KCNH3: variants seen among roughly 807,000 people sequenced by gnomAD.
KCNH3 encodes the protein potassium voltage-gated channel subfamily H member 3.
KCNH3 carries 36 observed loss-of-function variants against 95.6 expected under a neutral mutation model. The ratio of observed to expected loss-of-function variants is 0.38; its 90% CI spans 0.29 to 0.50. The LOEUF is 0.50. KCNH3 is among the 20% of genes least tolerant of loss of function. KCNH3 has a pLI of 0.95. For missense variants in KCNH3, 1,030 were observed against 1,484.1 expected (o/e 0.69, Z 5.03); for synonymous variants, 620 against 646.3 (o/e 0.96, Z 0.62).
chr12:49,544,128 C>G (rs540446701), intron 6 of KCNH3, 47 bp from the exon 7 acceptor site: 1 of 1,603,956 alleles, frequency 6.2e-7, no homozygotes, highest in African/African-American at 1.3e-5. Context: ...CAGGCAGGGC[C>G]GGCCCGCTGA....
Position 49,549,424 on chromosome 12 carries a change from T to C in KCNH3, c.1469-17T>C. 6.2e-7 allele frequency: 1 copy of C among 1,612,140 alleles called. No individual in the cohort carries two copies. Reference sequence around the variant, plus strand: ...GCCAGGTCCCCTAGGTGACCCCCTCTCGTCACCCTCCCCCAGCCCTGATGC... The same window carrying C: ...GCCAGGTCCCCTAGGTGACCCCCTCCCGTCACCCTCCCCCAGCCCTGATGC... On this transcript the variant is annotated splice_polypyrimidine_tract_variant and intron_variant, in intron 8 of 14. Coordinates refer to ENST00000257981, the MANE Select transcript of KCNH3 (RefSeq NM_012284.3).
In KCNH3 at chr12:49,554,472, A is replaced by G; in HGVS notation, c.2054A>G (p.Tyr685Cys). Residue 685 changes from tyrosine to cysteine, a missense_variant, in exon 11 of 15, where the codon TAC becomes TGC. Tyr to Cys is a radical substitution (Grantham distance 194). Around this residue, in one of 9 missense-constraint regions of KCNH3, gnomAD observed 160 missense variants for 316.2 expected, o/e 0.51. Coordinates refer to ENST00000257981, the MANE Select transcript of KCNH3 (RefSeq NM_012284.3). ...LAGLHDSLAL[Y>C]PEFAPRFSRG... ...GGCCTGCACGACAGCCTTGCGCTGT[A>G]CCCCGAGTTTGCCCCGCGCTTCAGT... 2 of 1,613,622 alleles carry G rather than the reference A, an allele frequency of 1.2e-6. No homozygotes were observed. The highest frequency in any genetic ancestry group is 1.7e-6 in the Non-Finnish European group (2 of 1,180,024).
At position 49,558,290 on chromosome 12, in the gene KCNH3, A is replaced by AAAAT; in HGVS notation, c.*341_*344dup. ...AATTTTTATATTAAAAAAAAAAAATAAAATAAACTACTTTGGAACCTGGTG... is the reference window on the plus strand; with the variant it reads ...AATTTTTATATTAAAAAAAAAAAATAAAATAAATAAACTACTTTGGAACCTGGTG... On this transcript the variant is annotated 3_prime_UTR_variant, in exon 15 of 15. Transcript: ENST00000257981. 2.5e-6 allele frequency: 1 copy of AAAAT among 395,230 alleles called. No homozygotes were observed. Among genetic ancestry groups the AAAAT allele is most frequent in the Non-Finnish European group, 4.4e-6 (1 of 225,022 alleles). The allele number at this position is 395,230 out of a possible 1,614,324, so 24.5% of individuals were successfully genotyped here.
At chr12:49,542,019 A>G (rs569390763) in intron 3 of KCNH3, among the ~76,000 whole-genome samples, 3 of 152,226 alleles carry the variant, frequency 2.0e-5, no homozygotes, top group Non-Finnish European at 4.4e-5. Context: ...AACAAACCCA[A>G]TTGTACCTGT....
At position 49,544,057 on chromosome 12, in the gene KCNH3, C is replaced by T; in HGVS notation, c.966C>T (p.Ala322=). The T allele has an allele frequency of 6.2e-7, 1 of 1,611,342 alleles. No individual in the cohort carries two copies. The highest frequency in any genetic ancestry group is 8.5e-7 in the Non-Finnish European group (1 of 1,177,642). The part of the protein sequence containing the change: ...IAALPFDLLH[A]FKVNVYFGAH... ...CGCTGCCCTTTGACCTGCTACATGC[C>T]TTCAAGGTCAACGTGGTCAGTGTGG... is the stretch of plus-strand genomic sequence containing the variant. Residue 322 remains alanine, a synonymous_variant, in exon 6 of 15, where the codon GCC becomes GCT. Transcript: ENST00000257981.
At chr12:49,550,367 T>C (rs779141318) in intron 10 of KCNH3, 38 bp downstream of exon 10, 1 of 1,568,796 alleles carries the variant, frequency 6.4e-7, no homozygotes, top group Non-Finnish European at 8.6e-7. Flanking sequence ...GGGGCACGTG[T>C]GTGTGAGACC....
chr12:49,544,815 C>A (rs1344570534), intron 7 of KCNH3, among the ~76,000 whole-genome samples: 10 of 151,754 alleles, frequency 6.6e-5, no homozygotes, highest in Non-Finnish European at 1.3e-4. Flanking sequence ...CACATTTCTT[C>A]TGTCATCTCT....
chr12:49,552,463 C>G (rs982677151), intron 10 of KCNH3, among the ~76,000 whole-genome samples: 2 of 152,214 alleles, frequency 1.3e-5, no homozygotes, highest in Admixed American at 1.3e-4. Flanking sequence ...CTTGGAGGCT[C>G]TAGATGCCCT....
intron 10 of KCNH3, among the ~76,000 whole-genome samples, chr12:49,551,462 G>A (rs1376079261): frequency 6.6e-6 from 1 of 151,464 alleles, no homozygotes. Context: ...TGTAATCCAG[G>A]CTACTTGGGA....
chr12:49,556,618 G>A, intron 13 of KCNH3, 142 bp downstream of exon 13: 1 of 725,708 alleles, frequency 1.4e-6, no homozygotes, highest in Non-Finnish European at 2.5e-6. Context: ...ACCCCTTGGT[G>A]TCGTGCGGGC....
chr12:49,554,612 T>C, intron 11 of KCNH3, 58 bp downstream of exon 11: 1 of 1,461,478 alleles, frequency 6.8e-7, no homozygotes, highest in Admixed American at 1.7e-5. Flanking sequence ...CCTGGTGAAG[T>C]GGGCAGAGGC....
In KCNH3 at chr12:49,556,302, C is replaced by T; in HGVS notation, c.2469-68C>T. On this transcript the variant is annotated intron_variant, in intron 12 of 14. Coordinates refer to ENST00000257981, the MANE Select transcript of KCNH3 (RefSeq NM_012284.3). ...CCTGTGTGTGTGGACGCTGGGGCAT[C>T]CCGTCCCGTATGACCCCACAGTGGC... The T allele has an allele frequency of 2.6e-6, 3 of 1,169,726 alleles. No homozygotes were observed. In the Admixed American group the frequency reaches 5.1e-5, roughly 20 times the overall value. The allele number at this position is 1,169,726 out of a possible 1,614,324, so 72.5% of individuals were successfully genotyped here.
Position 49,556,454 on chromosome 12 carries a change from C to G in KCNH3, c.2553C>G (p.Ser851Arg). The G allele has an allele frequency of 1.2e-6, 2 of 1,613,868 alleles. No individual in the cohort carries two copies. The highest frequency in any genetic ancestry group is 1.7e-6 in the Non-Finnish European group (2 of 1,179,828). The change falls in exon 13 of 15, where the codon AGC becomes AGG. Residue 851 changes from serine to arginine, a missense_variant. This residue lies in a region of KCNH3 where 464 missense variants were observed against 493.2 expected (regional missense o/e 0.94). Coordinates refer to ENST00000257981, the MANE Select transcript of KCNH3 (RefSeq NM_012284.3). ...FRVGQSGPEC[S>R]SSPSPGPESG... is the part of the protein sequence containing the mutation. ...TGGGCCAGTCTGGCCCGGAATGTAG[C>G]AGCAGCCCCTCCCCTGGACCAGGTA...
intron 1 of KCNH3, among the ~76,000 whole-genome samples, chr12:49,540,311 C>T (rs1268001996): frequency 6.6e-6 from 1 of 152,218 alleles, no homozygotes; most frequent in Non-Finnish European, 1.5e-5. Flanking sequence ...GTGCCCCCCA[C>T]TCCCCAATAC....
chr12:49,548,133 T>TGTGTGTGTGTGC (rs1380200472), intron 7 of KCNH3, among the ~76,000 whole-genome samples: 19 of 146,426 alleles, frequency 1.3e-4, no homozygotes, highest in South Asian at 9.1e-4. Flanking sequence ...TGTGTGTGTG[T>TGTGTGTGTGTGC]GCGCGCGCAC....
chr12:49,541,246 C>G lies in KCNH3; in HGVS notation c.310+114C>G. On this transcript the variant is annotated intron_variant, in intron 2 of 14. Transcript: ENST00000257981. ...TGCCATCTTCTCCATCTCCCCATGT[C>G]ATCCCATCTTCCCATCCCCCCATCC... 9 of 791,016 alleles carry G rather than the reference C, an allele frequency of 1.1e-5. No individual in the cohort carries two copies. The South Asian group carries it at 1.5e-4, about 13-fold the overall frequency. The allele number at this position is 791,016 out of a possible 1,614,324, so 49.0% of individuals were successfully genotyped here.
At position 49,557,709 on chromosome 12, in the gene KCNH3, C is replaced by G; in HGVS notation, c.3008C>G (p.Pro1003Arg). Reference sequence around the variant, plus strand: ...ACCTCCACCTCAGACTCAGAGCCCCCTGCCTCAGGAGACCTCTGCTCTGAG... The same window carrying G: ...ACCTCCACCTCAGACTCAGAGCCCCGTGCCTCAGGAGACCTCTGCTCTGAG... ...FWTSTSDSEP[P>R]ASGDLCSEPS... The change falls in exon 15 of 15, where the codon CCT becomes CGT. Residue 1003 changes from proline to arginine, a missense_variant. By Grantham distance (103) the Pro-to-Arg change is moderately radical. This residue lies in a region of KCNH3 where 464 missense variants were observed against 493.2 expected (regional missense o/e 0.94). Coordinates refer to ENST00000257981, the MANE Select transcript of KCNH3 (RefSeq NM_012284.3). The G allele has an allele frequency of 6.2e-7, 1 of 1,613,870 alleles. No homozygotes were observed. The highest frequency in any genetic ancestry group is 2.2e-5 in the East Asian group (1 of 44,872).
At position 49,550,222 on chromosome 12, in the gene KCNH3, C is replaced by T. The variant is rs748535756; in HGVS notation, c.1811C>T (p.Thr604Met). The T allele has an allele frequency of 8.1e-6, 13 of 1,609,334 alleles. No homozygotes were observed. The highest frequency in any genetic ancestry group is 1.7e-5 in the Admixed American group (1 of 60,012). The change falls in exon 10 of 15, where the codon ACG becomes ATG. Residue 604 changes from threonine (T) to methionine (M), a missense_variant. Coordinates refer to ENST00000257981, the MANE Select transcript of KCNH3 (RefSeq NM_012284.3). ...LSLALRPAFC[T>M]PGEYLIHQGD... ...CTGGCCCTGCGGCCCGCCTTCTGCACGCCGGGCGAGTACCTCATCCACCAA... is the reference window on the plus strand; with the variant it reads ...CTGGCCCTGCGGCCCGCCTTCTGCATGCCGGGCGAGTACCTCATCCACCAA...
At chr12:49,542,168 C>T (rs1283685016) in intron 3 of KCNH3, among the ~76,000 whole-genome samples, 1 of 152,224 alleles carries the variant, frequency 6.6e-6, no homozygotes, top group Non-Finnish European at 1.5e-5. Context: ...CCTCTTGTGT[C>T]CTCCAAGGCT....
Sources: allele counts gnomAD v4.1 joint callset (sites outside exome capture counted in the v4.1 genomes callset), GRCh38; gene constraint gnomAD v4.1.1; regional missense constraint gnomAD v4.1.1; transcripts MANE v1.5; gene names NCBI Gene and HGNC (gene_info 2026-07-23, HGNC 2026-07-21).